Variants in BPIFB1 observed in about 807,000 individuals in gnomAD.
BPIFB1 encodes BPI fold containing family B member 1.
Under a neutral mutation model 55.1 loss-of-function variants are expected in BPIFB1, and 34 were observed. The ratio of observed to expected loss-of-function variants is 0.62; its 90% CI spans 0.47 to 0.82. The LOEUF (loss-of-function observed/expected upper bound fraction) is 0.82. Among genes scored for constraint, BPIFB1 ranks in the 40% least tolerant of loss-of-function variants. The pLI is 0.00. For synonymous variants in BPIFB1, 236 were observed against 245.3 expected, an observed-to-expected ratio of 0.96 and a Z score of 0.35; for missense variants, 532 against 593.1, an observed-to-expected ratio of 0.90 and a Z score of 1.07.
chr20:33,291,420 T>C (rs754821224), intron 5 of BPIFB1, among the ~76,000 whole-genome samples: 13 of 152,182 alleles, frequency 8.5e-5, no homozygotes, highest in African/African-American at 1.2e-4. Context: ...GGCAAAAACA[T>C]AGGCTTTGGG....
intron 7 of BPIFB1, chr20:33,298,797 T>TC (rs1167460582): frequency 3.6e-5 from 6 of 164,430 alleles, no homozygotes; most frequent in Admixed American, 6.5e-5. Flanking sequence ...CTTTTTTCTT[T>TC]TTTTTTTTTT....
chr20:33,297,401 G>A (rs1980687999), intron 6 of BPIFB1, 124 bp from the exon 7 acceptor site: 1 of 1,010,602 alleles, frequency 9.9e-7, no homozygotes, highest in Non-Finnish European at 1.5e-6. Context: ...CCCATGGATG[G>A]AACCTGGCTG....
In BPIFB1 at chr20:33,290,093, G is replaced by C. The variant is rs73906383; in HGVS notation, c.365+101G>C. 3.0e-3 allele frequency: 2,720 copies of C among 901,930 alleles called. 42 individuals carry two copies. In the African/African-American group the frequency reaches 0.039, roughly 13 times the overall value. 55.9% of individuals were successfully genotyped at this position (901,930 alleles called of 1,614,324 possible). ...GCAGGTGTCTGGAAAAGAGAGTTCC[G>C]AGCAGAGAGAAGAGCAAGTGCAGAG... On this transcript the variant is annotated intron_variant, in intron 4 of 15. Coordinates refer to ENST00000253354, the MANE Select transcript of BPIFB1 (RefSeq NM_033197.3).
chr20:33,289,575 G>A (rs76449679), intron 3 of BPIFB1, among the ~76,000 whole-genome samples: 73 of 152,204 alleles, frequency 4.8e-4, no homozygotes, highest in African/African-American at 1.4e-3. Context: ...AGTGACAGTC[G>A]GTCAGAATGG....
At chr20:33,290,386 C>T (rs2146527388) in intron 4 of BPIFB1, among the ~76,000 whole-genome samples, 1 of 152,236 alleles carries the variant, frequency 6.6e-6, no homozygotes, top group South Asian at 2.1e-4. Context: ...AGAGTGGAGA[C>T]AGGAAGGCTA....
At chr20:33,289,780 C>T (rs987315974) in intron 3 of BPIFB1, 105 bp from the exon 4 acceptor site, 9 of 1,060,132 alleles carry the variant, frequency 8.5e-6, no homozygotes, top group African/African-American at 1.6e-5. Flanking sequence ...GCCAGGGTCC[C>T]GCTGCTGCCT....
At chr20:33,289,391 A>AC (rs1178070466) in intron 3 of BPIFB1, among the ~76,000 whole-genome samples, 4 of 149,282 alleles carry the variant, frequency 2.7e-5, no homozygotes, top group South Asian at 4.2e-4. Flanking sequence ...CAAAAAAAAA[A>AC]AAACAAAAAA....
chr20:33,290,056 C>T (rs559288672), intron 4 of BPIFB1, 64 bp downstream of exon 4: 14 of 1,270,496 alleles, frequency 1.1e-5, no homozygotes, highest in Admixed American at 5.2e-5. Context: ...CCCCCTCCCC[C>T]GCCCCCACCA....
Position 33,289,772 on chromosome 20 carries a change from C to G in BPIFB1, c.258-113C>G, listed in dbSNP as rs1214541855. 8 of 914,518 alleles carry G rather than the reference C, an allele frequency of 8.7e-6. No homozygotes were observed. In the East Asian group the frequency reaches 1.5e-4, roughly 17 times the overall value. 56.7% of individuals were successfully genotyped at this position (914,518 alleles called of 1,614,324 possible). A position where few individuals can be genotyped will look rare whatever the true frequency, so the allele number is the denominator to read the frequency against. On this transcript the variant is annotated intron_variant, in intron 3 of 15. Coordinates refer to ENST00000253354, the MANE Select transcript of BPIFB1 (RefSeq NM_033197.3). ...CTGGAGAGGAGTCGGTGGGCAGGGCCAGGGTCCCGCTGCTGCCTAGGCACC... is the reference window on the plus strand; with the variant it reads ...CTGGAGAGGAGTCGGTGGGCAGGGCGAGGGTCCCGCTGCTGCCTAGGCACC...
chr20:33,294,126 A>AT (rs1425611152), intron 6 of BPIFB1, among the ~76,000 whole-genome samples: 1 of 152,250 alleles, frequency 6.6e-6, no homozygotes, highest in Non-Finnish European at 1.5e-5. Context: ...AAGATCCATT[A>AT]TTTTAATAGT....
chr20:33,304,713 G>T (rs1024351754), intron 12 of BPIFB1, 133 bp from the exon 13 acceptor site: 18 of 955,444 alleles, frequency 1.9e-5, no homozygotes, highest in Non-Finnish European at 2.7e-5. Context: ...CACGACGCAA[G>T]GGCTTCATGT....
rs115172554 is a variant in BPIFB1 at position 33,308,440 on chromosome 20, A to T, written c.1396-1268A>T. On this transcript the variant is annotated intron_variant, in intron 15 of 15. Coordinates refer to ENST00000253354, the MANE Select transcript of BPIFB1 (RefSeq NM_033197.3). Reference sequence around the variant, plus strand: ...TCATAGGCCTGAGATGCATGCATGCACACACACATATACACACACACACGC... The same window carrying T: ...TCATAGGCCTGAGATGCATGCATGCTCACACACATATACACACACACACGC... Among the ~76,000 whole-genome samples, 479 of 150,382 alleles carry T rather than the reference A, an allele frequency of 3.2e-3. 2 individuals are homozygous for T. Among genetic ancestry groups the T allele is most frequent in the African/African-American group, 0.012 (461 of 39,880 alleles).
chr20:33,291,199 A>G, intron 5 of BPIFB1, 93 bp downstream of exon 5: 1 of 1,470,198 alleles, frequency 6.8e-7, no homozygotes, highest in Non-Finnish European at 9.2e-7. Context: ...GAGAACGCTG[A>G]GGCCTAGAGA....
chr20:33,291,103 A>G lies in BPIFB1; in HGVS notation c.512A>G (p.His171Arg). Reference protein sequence around the residue: ...SHGSLRIQLLHKLSFLVNALA... With the variant: ...SHGSLRIQLLRKLSFLVNALA... The stretch of plus-strand genomic sequence containing the variant: ...GGGAGCCTGCGCATCCAACTGCTGC[A>G]TAAGTGAGTGTCGCTGGCCACCAGC... Residue 171 changes from histidine to arginine, a missense_variant, in exon 5 of 16, where the codon CAT becomes CGT. Physicochemically the swap from His to Arg is conservative, Grantham distance 29. Transcript: ENST00000253354. The G allele has an allele frequency of 6.2e-7, 1 of 1,610,736 alleles. No individual in the cohort carries two copies.
intron 7 of BPIFB1, 48 bp from the exon 8 acceptor site, chr20:33,299,851 C>A: frequency 1.3e-6 from 2 of 1,561,692 alleles, no homozygotes; most frequent in Non-Finnish European, 1.8e-6. Flanking sequence ...CTTCCCCCTC[C>A]AATACTGCCC....
chr20:33,287,829 T>C (rs1001612154), intron 2 of BPIFB1, among the ~76,000 whole-genome samples: 14 of 152,142 alleles, frequency 9.2e-5, no homozygotes, highest in Admixed American at 3.3e-4. Flanking sequence ...CAAAAGCCAC[T>C]GGGCAGTGAC....
chr20:33,289,529 C>T (rs1279800304), intron 3 of BPIFB1, among the ~76,000 whole-genome samples: 1 of 152,070 alleles, frequency 6.6e-6, no homozygotes, highest in Non-Finnish European at 1.5e-5. Flanking sequence ...AAATGGCATC[C>T]AGGTAGAAGA....
chr20:33,309,119 G>A lies in BPIFB1; in HGVS notation c.1396-589G>A, dbSNP rs975984731. 3.3e-5 allele frequency among the ~76,000 whole-genome samples: 5 copies of A among 152,068 alleles called. No homozygotes were observed. The highest frequency in any genetic ancestry group is 7.2e-5 in the African/African-American group (3 of 41,386). Reference sequence around the variant, plus strand: ...ATGCTTGGTGAGCAAATGACTCTCCGTGGCATCTGCTGGGGAGAGGATCTA... The same window carrying A: ...ATGCTTGGTGAGCAAATGACTCTCCATGGCATCTGCTGGGGAGAGGATCTA... On this transcript the variant is annotated intron_variant, in intron 15 of 15. Transcript: ENST00000253354. This position sits in a 1 kb window ranked among gnomAD's most constrained non-coding sequence, Gnocchi z 4.4.
chr20:33,295,442 C>A lies in BPIFB1; in HGVS notation c.598-2083C>A, dbSNP rs555296660. ...CCAACATGGTGAAATCCCATCTCTA[C>A]TAAAAATACAAAAATTAGCCAGACA... On this transcript the variant is annotated intron_variant, in intron 6 of 15. Transcript: ENST00000253354. 2.0e-3 allele frequency among the ~76,000 whole-genome samples: 310 copies of A among 151,958 alleles called. 1 individual carries two copies. Among genetic ancestry groups the A allele is most frequent in the African/African-American group, 6.9e-3 (286 of 41,442 alleles).
Sources: allele counts gnomAD v4.1 joint callset (sites outside exome capture counted in the v4.1 genomes callset), GRCh38; gene constraint gnomAD v4.1.1; non-coding constraint Gnocchi (gnomAD v3.1); transcripts MANE v1.5; gene names NCBI Gene and HGNC (gene_info 2026-07-23, HGNC 2026-07-21).